The following LAMA1 variants were observed in gnomAD, a reference collection of about 807,000 sequenced individuals.
LAMA1 encodes the protein laminin subunit alpha-1.
Under a neutral mutation model 348.7 loss-of-function variants are expected in LAMA1, and 219 were observed. The ratio of observed to expected loss-of-function variants is 0.63; its 90% confidence interval spans 0.56 to 0.70. The LOEUF is 0.70. Ranked by LOEUF, LAMA1 falls within the 30% of genes least tolerant of loss-of-function variation. The pLI is 0.00. For synonymous variants in LAMA1, 1,487 were observed against 1,491.0 expected, an observed-to-expected ratio of 1.00 and a Z score of 0.06; for missense variants, 3,744 against 3,888.0, an observed-to-expected ratio of 0.96 and a Z score of 0.99.
chr18:6,978,506 G>A (rs2057693687), intron 42 of LAMA1, 128 bp from the exon 43 acceptor site: 2 of 916,250 alleles, frequency 2.2e-6, no homozygotes. Flanking sequence ...AACACAAACT[G>A]AGGCTTGTCT....
chr18:7,007,123 C>T lies in LAMA1; in HGVS notation c.4260+16G>A, dbSNP rs1409024242. 1 of 1,613,514 alleles carries T rather than the reference C, an allele frequency of 6.2e-7. No individual in the cohort carries two copies. Among genetic ancestry groups the T allele is most frequent in the Non-Finnish European group, 8.5e-7 (1 of 1,179,844 alleles). On this transcript the variant is annotated intron_variant, in intron 29 of 62. Coordinates refer to ENST00000389658, the MANE Select transcript of LAMA1 (RefSeq NM_005559.4). The stretch of plus-strand genomic sequence containing the variant: ...TACTTCTAAACTCAGGCAAGCACCC[C>T]CACAAACCAGCATACCAGACACTTC...
intron 41 of LAMA1, among the ~76,000 whole-genome samples, chr18:6,981,080 G>A (rs1302789682): frequency 6.6e-6 from 1 of 151,384 alleles, no homozygotes; most frequent in Non-Finnish European, 1.5e-5. Context: ...TCCAGCCTGG[G>A]CGACGGAGCG....
In LAMA1 at chr18:6,983,090, G is replaced by A. The variant is rs760241053; in HGVS notation, c.5796+9C>T. 1.9e-5 allele frequency: 31 copies of A among 1,613,890 alleles called. No homozygotes were observed. Among genetic ancestry groups the A allele is most frequent in the Admixed American group, 6.7e-5 (4 of 60,006 alleles). ...AGAGCCCAGAAAAAGAAGCCACGTC[G>A]TTTCCTACCAGGCTCGTCTCAGTCA... On this transcript the variant is annotated intron_variant, in intron 40 of 62. Coordinates refer to ENST00000389658, the MANE Select transcript of LAMA1 (RefSeq NM_005559.4).
At chr18:7,114,064 G>A (rs867156932) in intron 1 of LAMA1, among the ~76,000 whole-genome samples, 117 of 135,832 alleles carry the variant, frequency 8.6e-4, no homozygotes, top group Middle Eastern at 4.7e-3. Flanking sequence ...GCGACAGAGC[G>A]AGACTCCGTC....
chr18:6,978,504 C>CAGACAAGCCTCAGTTTG, intron 42 of LAMA1, 126 bp from the exon 43 acceptor site: 1 of 931,552 alleles, frequency 1.1e-6, no homozygotes, highest in Non-Finnish European at 1.6e-6. Context: ...TGAACACAAA[C>CAGACAAGCCTCAGTTTG]TGAGGCTTGT....
At chr18:7,117,541 AGGTGG>A (rs1212900446) in intron 1 of LAMA1, 114 bp downstream of exon 1, 42 of 1,047,666 alleles carry the variant, frequency 4.0e-5, no homozygotes, top group Non-Finnish European at 5.5e-5. Context: ...ACCCACTCCG[AGGTGG>A]ATCAGGATGC....
At chr18:7,093,091 T>A (rs2058246136) in intron 1 of LAMA1, among the ~76,000 whole-genome samples, 1 of 152,202 alleles carries the variant, frequency 6.6e-6, no homozygotes. Flanking sequence ...TTGTTCAATA[T>A]TTTAAATCCT....
chr18:7,047,821 A>T lies in LAMA1; in HGVS notation c.768+1257T>A, dbSNP rs1383039528. ...GGTGCTAGAACAATTGCATATACAT[A>T]TAGGAAAAAAAACAAAAGCAAAAAA... is the stretch of plus-strand genomic sequence containing the variant. On this transcript the variant is annotated intron_variant, in intron 5 of 62. Coordinates refer to ENST00000389658, the MANE Select transcript of LAMA1 (RefSeq NM_005559.4). Among the ~76,000 whole-genome samples the T allele has an allele frequency of 2.0e-5, 3 of 152,274 alleles. No homozygotes were observed. In the East Asian group the frequency reaches 5.8e-4, roughly 29 times the overall value.
intron 36 of LAMA1, among the ~76,000 whole-genome samples, chr18:6,990,763 C>T (rs532917086): frequency 1.3e-5 from 2 of 152,258 alleles, no homozygotes; most frequent in African/African-American, 4.8e-5. Context: ...CAAATTCCAC[C>T]TGCCCATCTT....
chr18:7,060,251 C>G (rs1217941759), intron 3 of LAMA1, among the ~76,000 whole-genome samples: 2 of 151,846 alleles, frequency 1.3e-5, no homozygotes, highest in African/African-American at 4.9e-5. Context: ...TAACTGTTAT[C>G]TCATTTTAGG....
chr18:7,064,762 C>T (rs911375986), intron 3 of LAMA1, among the ~76,000 whole-genome samples: 4 of 152,170 alleles, frequency 2.6e-5, no homozygotes, highest in Non-Finnish European at 5.9e-5. Context: ...GTGCTTCCTT[C>T]ATATGAAGAA....
At chr18:7,032,874 T>C (rs1253686665) in intron 15 of LAMA1, 110 bp downstream of exon 15, 8 of 807,532 alleles carry the variant, frequency 9.9e-6, no homozygotes, top group East Asian at 5.3e-5. Flanking sequence ...GAGCCAAACA[T>C]TGGGCTGCTA....
At position 6,959,688 on chromosome 18, in the gene LAMA1, A is replaced by C; in HGVS notation, c.7627-196T>G. ...TCTGTTCATATAATTTATATTCTGC[A>C]TTATGCTATTATTGCTGAAGATTTC... is the stretch of plus-strand genomic sequence containing the variant. On this transcript the variant is annotated intron_variant, in intron 53 of 62. Transcript: ENST00000389658. 4.9e-6 allele frequency: 3 copies of C among 612,622 alleles called. No individual in the cohort carries two copies. The South Asian group carries it at 5.5e-5, about 11-fold the overall frequency. 37.9% of individuals were successfully genotyped at this position (612,622 alleles called of 1,614,324 possible). A position where few individuals can be genotyped will look rare whatever the true frequency, so the allele number is the denominator to read the frequency against.
chr18:6,974,022 A>T (rs1159638297), intron 46 of LAMA1, among the ~76,000 whole-genome samples: 4 of 151,976 alleles, frequency 2.6e-5, no homozygotes, highest in Non-Finnish European at 5.9e-5. Context: ...TGCTCAAACA[A>T]TCCTCCCACC....
At chr18:7,083,679 A>T (rs554416591) in intron 1 of LAMA1, among the ~76,000 whole-genome samples, 4 of 152,326 alleles carry the variant, frequency 2.6e-5, no homozygotes, top group African/African-American at 7.2e-5. Context: ...ATATTCACTA[A>T]AAATGATGTC....
chr18:7,011,423 C>T lies in LAMA1; in HGVS notation c.3564G>A (p.Arg1188=). The T allele has an allele frequency of 6.2e-7, 1 of 1,608,572 alleles. No homozygotes were observed. Among genetic ancestry groups the T allele is most frequent in the Non-Finnish European group, 8.5e-7 (1 of 1,177,840 alleles). ...GGTAGTAAACCCCCTCGGTCGTGCC[C>T]CTCAAGTTACTCTGAGAAACCACAC... ...LLRVVSQSNL[R]GTTEGVYYQA... Residue 1188 remains arginine (R), a synonymous_variant, in exon 25 of 63, where the codon AGG becomes AGA. Coordinates refer to ENST00000389658, the MANE Select transcript of LAMA1 (RefSeq NM_005559.4).
intron 13 of LAMA1, 138 bp from the exon 14 acceptor site, chr18:7,034,828 C>T (rs1376006147): frequency 2.2e-5 from 15 of 683,816 alleles, no homozygotes; most frequent in Non-Finnish European, 3.0e-5. Flanking sequence ...ATGGTGTGTA[C>T]AGCTCTTGGC....
At position 6,995,244 on chromosome 18, in the gene LAMA1, G is replaced by C. The variant is rs80178480; in HGVS notation, c.4896+113C>G. On this transcript the variant is annotated intron_variant, in intron 34 of 62. Transcript: ENST00000389658. ...GTACCTGGAGCACAGCTCGTGGGAG[G>C]AAGAGGCTGGCATGATCTAATCAGA... 4,050 of 778,060 alleles carry C rather than the reference G, an allele frequency of 5.2e-3. 120 individuals carry two copies. In the African/African-American group the frequency reaches 0.059, roughly 11 times the overall value. The allele number at this position is 778,060 out of a possible 1,614,324, so 48.2% of individuals were successfully genotyped here.
At chr18:7,043,638 T>C (rs1297203649) in intron 7 of LAMA1, among the ~76,000 whole-genome samples, 1 of 152,196 alleles carries the variant, frequency 6.6e-6, no homozygotes, top group African/African-American at 2.4e-5. Flanking sequence ...TGGGATTATA[T>C]TTCGCAGAAG....
Sources: allele counts gnomAD v4.1 joint callset (sites outside exome capture counted in the v4.1 genomes callset), GRCh38; gene constraint gnomAD v4.1.1; transcripts MANE v1.5; gene names NCBI Gene and HGNC (gene_info 2026-07-23, HGNC 2026-07-21).